Variants in GIPC2 observed in about 807,000 individuals in gnomAD.
GIPC2 encodes the protein GIPC PDZ domain containing family member 2.
In GIPC2, 30 loss-of-function variants were observed where a neutral mutation model predicts 30.6. The ratio of observed to expected loss-of-function variants is 0.98; its 90% CI spans 0.73 to 1.33. The LOEUF (loss-of-function observed/expected upper bound fraction) is 1.33, where lower values mean the gene tolerates loss of function less well. Ranked by LOEUF, GIPC2 falls within the 40% of genes most tolerant of loss-of-function variation. The pLI, the probability that GIPC2 is intolerant of heterozygous loss-of-function variation, is 0.00. For missense variants in GIPC2, 414 were observed against 390.3 expected (o/e 1.06, Z -0.51); for synonymous variants, 167 against 150.0 (o/e 1.11, Z -0.83).
At chr1:78,085,697 A>G (rs1339850519) in intron 2 of GIPC2, among the ~76,000 whole-genome samples, 1 of 151,662 alleles carries the variant, frequency 6.6e-6, no homozygotes, top group African/African-American at 2.4e-5. Context: ...TTTTCTAGTT[A>G]GTGTGCATAG....
chr1:78,073,210 TCTC>T (rs1471064492), intron 1 of GIPC2, among the ~76,000 whole-genome samples: 3 of 151,482 alleles, frequency 2.0e-5, no homozygotes, highest in Non-Finnish European at 4.4e-5. Context: ...TTCAAGCAGT[TCTC>T]CTGCTTCAGC....
At chr1:78,078,585 G>C (rs951029990) in intron 1 of GIPC2, among the ~76,000 whole-genome samples, 13 of 152,124 alleles carry the variant, frequency 8.5e-5, no homozygotes, top group African/African-American at 2.7e-4. Context: ...GATGGAAAAG[G>C]GTTCTTCTAC....
Position 78,046,251 on chromosome 1 carries a change from G to A in GIPC2, c.157G>A (p.Ala53Thr). 2 of 1,609,798 alleles carry A rather than the reference G, an allele frequency of 1.2e-6. No homozygotes were observed. Among genetic ancestry groups the A allele is most frequent in the Non-Finnish European group, 1.7e-6 (2 of 1,178,798 alleles). Residue 53 changes from alanine to threonine, a missense_variant, in exon 1 of 6, where the codon GCC becomes ACC. Coordinates refer to ENST00000370759, the MANE Select transcript of GIPC2 (RefSeq NM_017655.6). Reference protein sequence around the residue: ...VFHAQLAHGSATGRVEGFSSI... With the variant: ...VFHAQLAHGSTTGRVEGFSSI... ...CCACGCGCAGCTGGCGCACGGTAGT[G>A]CCACGGGCCGAGTGGAGGGCTTCTC...
chr1:78,111,256 G>A (rs1418765624), intron 3 of GIPC2, among the ~76,000 whole-genome samples: 1 of 152,148 alleles, frequency 6.6e-6, no homozygotes, highest in Non-Finnish European at 1.5e-5. Context: ...ATATTGGGGC[G>A]GCGGGGGGTA....
intron 2 of GIPC2, among the ~76,000 whole-genome samples, chr1:78,092,403 A>T (rs1662059206): frequency 6.6e-6 from 1 of 152,216 alleles, no homozygotes; most frequent in Non-Finnish European, 1.5e-5. Flanking sequence ...TACCTTTTGC[A>T]CCATCAAGCT....
rs760218744 is a variant in GIPC2, at chr1:78,070,340, T to TA, written c.241-10332dup. On this transcript the variant is annotated intron_variant, in intron 1 of 5. Coordinates refer to ENST00000370759, the MANE Select transcript of GIPC2 (RefSeq NM_017655.6). ...TTAGAATCTCTTCCATCTTTAATGT[T>TA]AAACAAGAGGAGGCTTTTAAGAAGA... 1.9e-3 allele frequency among the ~76,000 whole-genome samples: 295 copies of TA among 152,314 alleles called. 1 individual carries two copies. Among genetic ancestry groups the TA allele is most frequent in the Non-Finnish European group, 3.7e-3 (253 of 68,024 alleles).
intron 4 of GIPC2, among the ~76,000 whole-genome samples, chr1:78,125,346 T>TAA (rs1662762732): frequency 1.3e-5 from 2 of 152,146 alleles, no homozygotes; most frequent in African/African-American, 4.8e-5. Flanking sequence ...AGCTAATTAT[T>TAA]TTAATTAATT....
In GIPC2 at chr1:78,063,703, G is replaced by C. The variant is rs1303703974; in HGVS notation, c.241-16972G>C. 2.0e-5 allele frequency among the ~76,000 whole-genome samples: 3 copies of C among 152,058 alleles called. No homozygotes were observed. In the East Asian group the frequency reaches 5.8e-4, roughly 29 times the overall value. On this transcript the variant is annotated intron_variant, in intron 1 of 5. Transcript: ENST00000370759. ...GGTTCGAAACCAGCCTGGCCAACAT[G>C]GTGAAACCCATCTCTACTAAAAATA... is the stretch of plus-strand genomic sequence containing the variant.
At chr1:78,055,648 A>G (rs1300049686) in intron 1 of GIPC2, among the ~76,000 whole-genome samples, 1 of 151,758 alleles carries the variant, frequency 6.6e-6, no homozygotes, top group Non-Finnish European at 1.5e-5. Flanking sequence ...TTACCTCTCT[A>G]CTTTCTGTGC....
rs199662806 is a variant in GIPC2, at chr1:78,110,050, G to A, written c.608-9343G>A. Among the ~76,000 whole-genome samples the A allele has an allele frequency of 3.9e-5, 6 of 152,226 alleles. No individual in the cohort carries two copies. In the East Asian group the frequency reaches 1.2e-3, roughly 29 times the overall value. On this transcript the variant is annotated intron_variant, in intron 3 of 5. Coordinates refer to ENST00000370759, the MANE Select transcript of GIPC2 (RefSeq NM_017655.6). ...GGGGGCCTGTTGTGGGGTGGGGGAA[G>A]GGGGAGGGATAGCATTAGGAGATAT... is the stretch of plus-strand genomic sequence containing the variant.
chr1:78,124,402 A>T (rs570421307), intron 4 of GIPC2, among the ~76,000 whole-genome samples: 2 of 152,296 alleles, frequency 1.3e-5, no homozygotes, highest in East Asian at 3.9e-4. Context: ...ATGGTAATAC[A>T]TGTGTAATTG....
intron 2 of GIPC2, among the ~76,000 whole-genome samples, chr1:78,082,156 A>G (rs1177396682): frequency 1.3e-5 from 2 of 152,188 alleles, no homozygotes; most frequent in African/African-American, 4.8e-5. Flanking sequence ...ACAGATGTGG[A>G]AACAGGCTCA....
chr1:78,120,377 T>C (rs1395738756), intron 4 of GIPC2, among the ~76,000 whole-genome samples: 3 of 152,182 alleles, frequency 2.0e-5, no homozygotes, highest in Non-Finnish European at 4.4e-5. Flanking sequence ...CCCATTTATC[T>C]GCATAGCTTG....
intron 1 of GIPC2, among the ~76,000 whole-genome samples, chr1:78,047,943 C>A (rs1382985599): frequency 6.6e-6 from 1 of 152,210 alleles, no homozygotes; most frequent in African/African-American, 2.4e-5. Flanking sequence ...TGTTAGCATA[C>A]TTAACTGACA....
chr1:78,135,512 G>A, intron 5 of GIPC2, 80 bp from the exon 6 acceptor site: 2 of 790,788 alleles, frequency 2.5e-6, no homozygotes, highest in Non-Finnish European at 4.1e-6. Flanking sequence ...CTTTTAGCAA[G>A]TAATTTTCCT....
intron 1 of GIPC2, among the ~76,000 whole-genome samples, chr1:78,078,983 G>A (rs1661773493): frequency 6.6e-6 from 1 of 151,806 alleles, no homozygotes. Flanking sequence ...AGTGATTTTT[G>A]TCAGCAAACT....
chr1:78,109,648 ATGC>A (rs1488324021), intron 3 of GIPC2, among the ~76,000 whole-genome samples: 1 of 152,192 alleles, frequency 6.6e-6, no homozygotes, highest in African/African-American at 2.4e-5. Flanking sequence ...GATATAGTCA[ATGC>A]TTGGTTAATA....
intron 3 of GIPC2, among the ~76,000 whole-genome samples, chr1:78,096,880 GT>G (rs1379832126): frequency 6.6e-5 from 10 of 152,108 alleles, no homozygotes; most frequent in Admixed American, 6.5e-4. Context: ...ATTTTCCAAG[GT>G]TTCTATGGAA....
intron 3 of GIPC2, among the ~76,000 whole-genome samples, chr1:78,096,003 A>G (rs1429263258): frequency 6.6e-6 from 1 of 152,216 alleles, no homozygotes; most frequent in East Asian, 1.9e-4. Flanking sequence ...TCTGTGTCTT[A>G]GCAAGTAAGT....
Sources: allele counts gnomAD v4.1 joint callset (sites outside exome capture counted in the v4.1 genomes callset), GRCh38; gene constraint gnomAD v4.1.1; transcripts MANE v1.5; gene names NCBI Gene and HGNC (gene_info 2026-07-23, HGNC 2026-07-21).